Variants in YIF1B observed in about 807,000 individuals in gnomAD.
YIF1B encodes protein YIF1B.
YIF1B carries 24 observed loss-of-function variants against 34.6 expected under a neutral mutation model. The ratio of observed to expected loss-of-function variants is 0.69; its 90% CI spans 0.50 to 0.98. The LOEUF is 0.98. Ranked by LOEUF, YIF1B falls within the 50% of genes least tolerant of loss-of-function variation. The pLI, the probability that YIF1B is intolerant of heterozygous loss-of-function variation, is 0.00. For synonymous variants in YIF1B, 186 were observed against 184.8 expected, an observed-to-expected ratio of 1.01 and a Z score of -0.05; for missense variants, 368 against 429.4, an observed-to-expected ratio of 0.86 and a Z score of 1.26.
chr19:38,313,393 G>A (rs1354235379), intron 1 of YIF1B, among the ~76,000 whole-genome samples: 1 of 151,888 alleles, frequency 6.6e-6, no homozygotes, highest in African/African-American at 2.4e-5. Flanking sequence ...CAAGTAGCTG[G>A]GACTACAGAC....
rs886266291 is a variant in YIF1B at position 38,305,579 on chromosome 19, C to T, written c.790-72G>A. 8 of 1,502,308 alleles carry T rather than the reference C, an allele frequency of 5.3e-6. No individual in the cohort carries two copies. In the Admixed American group the frequency reaches 1.7e-4, roughly 33 times the overall value. The allele number at this position is 1,502,308 out of a possible 1,614,324, so 93.1% of individuals were successfully genotyped here. The stretch of plus-strand genomic sequence containing the variant: ...CTCTGGGCCAGAGTGAGAGCCCGGA[C>T]ATACTTCCAGCCTCTGCCTAGAAGC... On this transcript the variant is annotated intron_variant, in intron 7 of 7. Coordinates refer to ENST00000339413, the MANE Select transcript of YIF1B (RefSeq NM_001039672.3).
chr19:38,305,199 T>A lies in YIF1B; in HGVS notation c.*153A>T. The A allele has an allele frequency of 7.2e-7, 1 of 1,398,518 alleles. No individual in the cohort carries two copies. Among genetic ancestry groups the A allele is most frequent in the South Asian group, 1.5e-5 (1 of 67,968 alleles). The allele number at this position is 1,398,518 out of a possible 1,614,324, so 86.6% of individuals were successfully genotyped here. ...GTGCAGCTGGAGATCTCTCAGCACC[T>A]TGGGTTGGGGGCGGGGCTGGGCGGG... On this transcript the variant is annotated 3_prime_UTR_variant, in exon 8 of 8. Transcript: ENST00000339413.
chr19:38,314,121 G>C (rs886925215), intron 1 of YIF1B, among the ~76,000 whole-genome samples: 6 of 151,876 alleles, frequency 4.0e-5, no homozygotes, highest in Admixed American at 2.0e-4. Context: ...CGCATCCTGG[G>C]TTCAAGCGAT....
At chr19:38,319,781 C>G (rs1229475599), upstream of YIF1B, 2 of 669,100 alleles carry the variant, frequency 3.0e-6, no homozygotes, top group Non-Finnish European at 4.5e-6. Flanking sequence ...TTCCCGGAGG[C>G]GGGGCATTCC....
chr19:38,318,303 G>A (rs1256556143), upstream of YIF1B, among the ~76,000 whole-genome samples: 1 of 128,356 alleles, frequency 7.8e-6, no homozygotes, highest in Non-Finnish European at 1.6e-5. Context: ...TTATTTTTTT[G>A]AGGCAGGGTC....
rs868674331 is a variant in YIF1B at position 38,304,198 on chromosome 19, C to T, written c.*1154G>A. ...ACGGGCAGGTCTCAGCGCTCCTCCC[C>T]CTGCTCCGCTCCTCTGCAGGGCCCA... is the stretch of plus-strand genomic sequence containing the variant. On this transcript the variant is annotated 3_prime_UTR_variant, in exon 8 of 8. Coordinates refer to ENST00000339413, the MANE Select transcript of YIF1B (RefSeq NM_001039672.3). 96 of 1,601,336 alleles carry T rather than the reference C, an allele frequency of 6.0e-5. No individual in the cohort carries two copies. The Middle Eastern group carries it at 2.8e-3, about 46-fold the overall frequency.
At position 38,308,799 on chromosome 19, in the gene YIF1B, G is replaced by A; in HGVS notation, c.532C>T (p.Gln178Ter). Residue 178 changes from glutamine to a stop codon, truncating the protein, a stop_gained, in exon 5 of 8, where the codon CAG (glutamine) becomes TAG (stop). Transcript: ENST00000339413. LOFTEE classifies it high-confidence loss of function. ...VLVAGLALGTQDRFSPDLLGL... is the reference protein window; with the variant it reads ...VLVAGLALGT ...GCCCCAGGCCTCCCTTACCTATCCT[G>A]GGTCCCCAGCGCAAGACCAGCCACC... is the stretch of plus-strand genomic sequence containing the variant. 6.2e-7 allele frequency: 1 copy of A among 1,613,846 alleles called. No homozygotes were observed. The highest frequency in any genetic ancestry group is 1.1e-5 in the South Asian group (1 of 91,086).
intron 1 of YIF1B, 137 bp downstream of exon 1, chr19:38,315,723 C>G: frequency 6.2e-7 from 1 of 1,609,860 alleles, no homozygotes; most frequent in African/African-American, 1.3e-5. Flanking sequence ...CTACCCGAAC[C>G]TGGCATCCCA....
At chr19:38,311,270 C>G (rs1969316469) in intron 1 of YIF1B, among the ~76,000 whole-genome samples, 1 of 150,276 alleles carries the variant, frequency 6.7e-6, no homozygotes, top group Non-Finnish European at 1.5e-5. Flanking sequence ...CTGGGCAACA[C>G]AGTGAGACCC....
In YIF1B at chr19:38,304,078, C is replaced by A; in HGVS notation, c.*1274G>T. On this transcript the variant is annotated 3_prime_UTR_variant, in exon 8 of 8. Coordinates refer to ENST00000339413, the MANE Select transcript of YIF1B (RefSeq NM_001039672.3). ...GAAGCAGTCACCTGTCCATCTCCCC[C>A]ACTTCTCACAGAGGAAATCCTGGGT... The A allele has an allele frequency of 2.7e-6, 2 of 731,568 alleles. No homozygotes were observed. Among genetic ancestry groups the A allele is most frequent in the Non-Finnish European group, 2.2e-6 (1 of 454,692 alleles). The allele number at this position is 731,568 out of a possible 1,614,324, so 45.3% of individuals were successfully genotyped here.
chr19:38,309,387 C>T lies in YIF1B; in HGVS notation c.297+18G>A, dbSNP rs777276726. On this transcript the variant is annotated intron_variant, in intron 2 of 7. Transcript: ENST00000339413. ...GGCCCCGTGCATCCCCCCACTCCCA[C>T]CAGCCCCGCCCACTCACGTTCTTAT... The T allele has an allele frequency of 4.3e-5, 69 of 1,612,208 alleles. 2 individuals are homozygous for T. The South Asian group carries it at 7.5e-4, about 17-fold the overall frequency.
upstream of YIF1B, among the ~76,000 whole-genome samples, chr19:38,318,259 G>T (rs1969606063): frequency 7.2e-6 from 1 of 138,460 alleles, no homozygotes; most frequent in Non-Finnish European, 1.5e-5. Flanking sequence ...CTGGCCTCAT[G>T]TTCACCCCTT....
chr19:38,316,780 C>T (rs1250602144), upstream of YIF1B, among the ~76,000 whole-genome samples: 1 of 152,158 alleles, frequency 6.6e-6, no homozygotes, highest in East Asian at 1.9e-4. Context: ...CCTGCCTCAG[C>T]CTCCCCAGTA....
In YIF1B at chr19:38,315,919, C is replaced by T; in HGVS notation, c.-2G>A. 1 of 1,462,220 alleles carries T rather than the reference C, an allele frequency of 6.8e-7. No homozygotes were observed. Among genetic ancestry groups the T allele is most frequent in the Non-Finnish European group, 9.0e-7 (1 of 1,114,890 alleles). The allele number at this position is 1,462,220 out of a possible 1,614,324, so 90.6% of individuals were successfully genotyped here. A position where few individuals can be genotyped will look rare whatever the true frequency, so the allele number is the denominator to read the frequency against. ...CGCCGCCAAGCCTGCCGGGTGCATCCTTCGCCGCCGCCACCTAAGCCGCGG... is the reference window on the plus strand; with the variant it reads ...CGCCGCCAAGCCTGCCGGGTGCATCTTTCGCCGCCGCCACCTAAGCCGCGG... On this transcript the variant is annotated 5_prime_UTR_variant, in exon 1 of 8. Transcript: ENST00000339413.
At chr19:38,317,464 C>T (rs1969586036), upstream of YIF1B, among the ~76,000 whole-genome samples, 1 of 152,206 alleles carries the variant, frequency 6.6e-6, no homozygotes, top group East Asian at 1.9e-4. Flanking sequence ...TTCTTCACCT[C>T]TGATTTAGCC....
rs958688206 is a variant in YIF1B, at chr19:38,315,840, C to T, written c.58+20G>A. Reference sequence around the variant, plus strand: ...CCCGCCACGCCCCCGCCCGCCCGATCTCCTCCGCCGGCCACGTACGCCACT... The same window carrying T: ...CCCGCCACGCCCCCGCCCGCCCGATTTCCTCCGCCGGCCACGTACGCCACT... On this transcript the variant is annotated intron_variant, in intron 1 of 7. Transcript: ENST00000339413. 1 of 1,504,404 alleles carries T rather than the reference C, an allele frequency of 6.6e-7. No homozygotes were observed. The highest frequency in any genetic ancestry group is 8.8e-7 in the Non-Finnish European group (1 of 1,134,024). 93.2% of individuals were successfully genotyped at this position (1,504,404 alleles called of 1,614,324 possible).
chr19:38,316,036 A>AC (rs577666982), upstream of YIF1B: 210 of 1,144,042 alleles, frequency 1.8e-4, no homozygotes, highest in African/African-American at 3.5e-3. Flanking sequence ...CCTCGCCCCC[A>AC]CCCCCCCGAC....
chr19:38,313,539 G>A (rs138023237), intron 1 of YIF1B, among the ~76,000 whole-genome samples: 18,082 of 152,212 alleles, frequency 0.12, 1,319 homozygotes, highest in South Asian at 0.21. Context: ...GATTACAGGC[G>A]TGAGCCACCT....
At chr19:38,306,662 G>C (rs1193846852) in intron 7 of YIF1B, 1 of 252,170 alleles carries the variant, frequency 4.0e-6, no homozygotes, top group Admixed American at 5.2e-5. Flanking sequence ...TTTTACAAAA[G>C]GGGAAACTGA....
Sources: allele counts gnomAD v4.1 joint callset (sites outside exome capture counted in the v4.1 genomes callset), GRCh38; gene constraint gnomAD v4.1.1; transcripts MANE v1.5; gene names NCBI Gene and HGNC (gene_info 2026-07-23, HGNC 2026-07-21).